Variants in ITGA9 observed in about 807,000 individuals in gnomAD.
ITGA9 encodes the protein integrin alpha-9.
A neutral mutation model predicts 127.8 loss-of-function variants in ITGA9; 56 were observed. The observed-to-expected ratio is 0.44, with a 90% CI of 0.35 to 0.55. The LOEUF (loss-of-function observed/expected upper bound fraction) is 0.55, where lower values mean the gene tolerates loss of function less well. Among genes scored for constraint, ITGA9 ranks in the 20% least tolerant of loss-of-function variants. The pLI is 0.00. For missense variants in ITGA9, 1,196 were observed against 1,347.1 expected, an observed-to-expected ratio of 0.89 and a Z score of 1.76; for synonymous variants, 508 against 514.5, an observed-to-expected ratio of 0.99 and a Z score of 0.17.
chr3:37,457,253 T>G (rs944276537), intron 1 of ITGA9, among the ~76,000 whole-genome samples: 1 of 152,186 alleles, frequency 6.6e-6, no homozygotes, highest in Non-Finnish European at 1.5e-5. Context: ...ATGAAAACTT[T>G]TTGCTCACAA....
chr3:37,697,819 G>T (rs1700901695), intron 18 of ITGA9, among the ~76,000 whole-genome samples: 1 of 152,196 alleles, frequency 6.6e-6, no homozygotes, highest in Admixed American at 6.5e-5. Context: ...CTTTATAGCA[G>T]CATGATTTAT....
At chr3:37,775,309 G>T (rs1696893027) in intron 23 of ITGA9, among the ~76,000 whole-genome samples, 1 of 152,040 alleles carries the variant, frequency 6.6e-6, no homozygotes, top group East Asian at 1.9e-4. Context: ...CAAAACCACG[G>T]TGAGATACCA....
rs894337450 is a variant in ITGA9 at position 37,537,735 on chromosome 3, G to T, written c.1528+4267G>T. The stretch of plus-strand genomic sequence containing the variant: ...TTGCTGGCTTTTCTAGATGAGCTCC[G>T]GGCCCCTTGTGTGGCATGCACTGTG... On this transcript the variant is annotated intron_variant, in intron 14 of 27. Transcript: ENST00000264741. 3.9e-5 allele frequency among the ~76,000 whole-genome samples: 6 copies of T among 152,226 alleles called. No homozygotes were observed. The East Asian group carries it at 7.7e-4, about 20-fold the overall frequency.
chr3:37,761,399 G>T lies in ITGA9; in HGVS notation c.2541+10830G>T, dbSNP rs899833600. 3.3e-5 allele frequency among the ~76,000 whole-genome samples: 5 copies of T among 152,126 alleles called. No individual in the cohort carries two copies. In the East Asian group the frequency reaches 7.7e-4, roughly 23 times the overall value. On this transcript the variant is annotated intron_variant, in intron 23 of 27. Coordinates refer to ENST00000264741, the MANE Select transcript of ITGA9 (RefSeq NM_002207.3). ...GAAACTTCTAATTTTCTGATAGTAG[G>T]TGTATATTATCAGGGTTCTCAGCAT... is the stretch of plus-strand genomic sequence containing the variant.
At chr3:37,466,482 T>C (rs1379959692) in intron 1 of ITGA9, among the ~76,000 whole-genome samples, 18 of 1,936 alleles carry the variant, frequency 9.3e-3, no homozygotes, top group African/African-American at 0.014. Context: ...AGACACCATC[T>C]CAAAAAAAAA....
intron 15 of ITGA9, among the ~76,000 whole-genome samples, chr3:37,578,481 T>C (rs986380618): frequency 6.6e-6 from 1 of 152,194 alleles, no homozygotes; most frequent in African/African-American, 2.4e-5. Flanking sequence ...CCATCTTCAG[T>C]CTTGACTTGC....
rs370685686 is a variant in ITGA9 at position 37,672,505 on chromosome 3, T to C, written c.1917-11360T>C. 3.9e-5 allele frequency among the ~76,000 whole-genome samples: 6 copies of C among 152,184 alleles called. No homozygotes were observed. In the East Asian group the frequency reaches 1.2e-3, roughly 29 times the overall value. On this transcript the variant is annotated intron_variant, in intron 17 of 27. Transcript: ENST00000264741. ...GAGTCAATTAAACCTCTTTCCTTTA[T>C]AAATTACCCAGTCTCAAGTATATCT...
intron 18 of ITGA9, among the ~76,000 whole-genome samples, chr3:37,713,700 C>T (rs1260149312): frequency 2.0e-5 from 3 of 152,136 alleles, no homozygotes; most frequent in African/African-American, 4.8e-5. Flanking sequence ...AAAAGCCTGT[C>T]GAGCTTTCTT....
At chr3:37,777,837 C>A (rs1184228133) in intron 24 of ITGA9, among the ~76,000 whole-genome samples, 1 of 152,208 alleles carries the variant, frequency 6.6e-6, no homozygotes, top group Non-Finnish European at 1.5e-5. Flanking sequence ...TTGATAATAT[C>A]TACTAAAACA....
intron 15 of ITGA9, among the ~76,000 whole-genome samples, chr3:37,602,047 A>G (rs1699927203): frequency 6.6e-6 from 1 of 152,136 alleles, no homozygotes; most frequent in Admixed American, 6.5e-5. Flanking sequence ...CTGACTCACT[A>G]CCTAGAGAAT....
At chr3:37,578,033 C>T (rs1403145147) in intron 15 of ITGA9, among the ~76,000 whole-genome samples, 1 of 152,016 alleles carries the variant, frequency 6.6e-6, no homozygotes, top group Non-Finnish European at 1.5e-5. Flanking sequence ...AATCTCAAGC[C>T]CAAACATGGT....
At chr3:37,494,471 G>C in intron 4 of ITGA9, 30 bp from the exon 5 acceptor site, 1 of 1,522,034 alleles carries the variant, frequency 6.6e-7, no homozygotes, top group Non-Finnish European at 9.1e-7. Context: ...CATGGCTGTG[G>C]TTTGCTTCTC....
chr3:37,754,416 C>T (rs1696626120), intron 23 of ITGA9, among the ~76,000 whole-genome samples: 1 of 152,176 alleles, frequency 6.6e-6, no homozygotes. Flanking sequence ...AGGGCTAGAA[C>T]TTTTATTCCA....
At chr3:37,671,208 G>A (rs1700634548) in intron 17 of ITGA9, among the ~76,000 whole-genome samples, 1 of 152,200 alleles carries the variant, frequency 6.6e-6, no homozygotes, top group African/African-American at 2.4e-5. Flanking sequence ...TGTTCCAGAT[G>A]TCCTAAGATT....
chr3:37,704,757 T>C (rs1575200906), intron 18 of ITGA9, among the ~76,000 whole-genome samples: 1 of 152,284 alleles, frequency 6.6e-6, no homozygotes. Flanking sequence ...AATTGGTAGG[T>C]TATGGAATGA....
At chr3:37,730,844 T>C (rs958952572) in intron 18 of ITGA9, among the ~76,000 whole-genome samples, 1 of 151,994 alleles carries the variant, frequency 6.6e-6, no homozygotes, top group Non-Finnish European at 1.5e-5. Context: ...TAAACAGAGG[T>C]GTGAACATAA....
At chr3:37,454,585 T>A (rs1358838171) in intron 1 of ITGA9, among the ~76,000 whole-genome samples, 1 of 152,228 alleles carries the variant, frequency 6.6e-6, no homozygotes, top group African/African-American at 2.4e-5. Context: ...CCTCTCTTGT[T>A]CTGATACAAG....
chr3:37,637,074 C>T (rs1408162860), intron 16 of ITGA9, among the ~76,000 whole-genome samples: 2 of 152,180 alleles, frequency 1.3e-5, no homozygotes, highest in African/African-American at 2.4e-5. Flanking sequence ...CGTGACGCCT[C>T]CAGCTTTGTT....
At chr3:37,627,518 C>A (rs1437530227) in intron 15 of ITGA9, among the ~76,000 whole-genome samples, 4 of 152,182 alleles carry the variant, frequency 2.6e-5, no homozygotes, top group Non-Finnish European at 5.9e-5. Context: ...AGGACTACCA[C>A]CGCTTACTTG....
Sources: allele counts gnomAD v4.1 joint callset (sites outside exome capture counted in the v4.1 genomes callset), GRCh38; gene constraint gnomAD v4.1.1; transcripts MANE v1.5; gene names NCBI Gene and HGNC (gene_info 2026-07-23, HGNC 2026-07-21).